ZHX3: variants seen among roughly 807,000 people sequenced by gnomAD.
The protein encoded by ZHX3 is zinc fingers and homeoboxes protein 3.
In ZHX3, 20 loss-of-function variants were observed where a neutral mutation model predicts 64.5. That is an observed-to-expected ratio of 0.31 (90% CI 0.22 to 0.45). ZHX3 has a LOEUF of 0.45. ZHX3 is among the 20% of genes least tolerant of loss of function. The pLI is 1.00. For missense variants in ZHX3, 1,041 were observed against 1,195.8 expected (o/e 0.87, Z 1.91); for synonymous variants, 423 against 461.6 (o/e 0.92, Z 1.07).
At chr20:41,197,078 CTGA>C (rs1831673592) in intron 3 of ZHX3, 2 of 216,910 alleles carry the variant, frequency 9.2e-6, no homozygotes, top group East Asian at 2.1e-4. Flanking sequence ...TTGATCAGGG[CTGA>C]TGGAGAGAAG....
intron 2 of ZHX3, among the ~76,000 whole-genome samples, chr20:41,251,537 TA>T (rs2041993409): frequency 6.6e-6 from 1 of 152,018 alleles, no homozygotes; most frequent in Non-Finnish European, 1.5e-5. Context: ...CAGTAAATAA[TA>T]AATGGCAGAT....
intron 1 of ZHX3, among the ~76,000 whole-genome samples, chr20:41,273,253 GT>G (rs2146642486): frequency 6.6e-6 from 1 of 152,146 alleles, no homozygotes; most frequent in South Asian, 2.1e-4. Context: ...GTTGTTAAGA[GT>G]TTTTCGTTTT....
chr20:41,263,219 T>C (rs963415453), intron 2 of ZHX3, among the ~76,000 whole-genome samples: 2 of 152,146 alleles, frequency 1.3e-5, no homozygotes, highest in Non-Finnish European at 2.9e-5. Context: ...GTTTGCAAGA[T>C]AGGCTATGAA....
At chr20:41,207,750 C>T (rs1474477834) in intron 2 of ZHX3, among the ~76,000 whole-genome samples, 1 of 152,146 alleles carries the variant, frequency 6.6e-6, no homozygotes, top group Non-Finnish European at 1.5e-5. Context: ...CAGGAAATAT[C>T]TAAAATTGAC....
At chr20:41,308,627 G>C (rs777836853) in intron 1 of ZHX3, among the ~76,000 whole-genome samples, 1 of 152,166 alleles carries the variant, frequency 6.6e-6, no homozygotes, top group African/African-American at 2.4e-5. Context: ...CAGGGGGAGT[G>C]TAAGTGGTCA....
chr20:41,276,402 G>C (rs988474338), intron 1 of ZHX3, among the ~76,000 whole-genome samples: 1 of 152,136 alleles, frequency 6.6e-6, no homozygotes, highest in Non-Finnish European at 1.5e-5. Flanking sequence ...GGCTGCTGGG[G>C]AGAGGAAGCG....
intron 2 of ZHX3, among the ~76,000 whole-genome samples, chr20:41,241,976 CCT>C (rs1466909174): frequency 2.6e-5 from 4 of 152,108 alleles, no homozygotes; most frequent in East Asian, 1.9e-4. Flanking sequence ...ATCAGATTAT[CCT>C]CTGAGTGTGC....
In ZHX3 at chr20:41,315,136, A is replaced by C. The variant is rs569600738; in HGVS notation, c.-245+2373T>G. On this transcript the variant is annotated intron_variant, in intron 1 of 3. Transcript: ENST00000683867. ...TCAACTATGTTAATATCCAGGGACC[A>C]GAGTTCTAGGCGGAGGGAACAGCAA... Among the ~76,000 whole-genome samples the C allele has an allele frequency of 3.3e-5, 5 of 152,278 alleles. No individual in the cohort carries two copies. The East Asian group carries it at 9.7e-4, about 29-fold the overall frequency.
Position 41,202,433 on chromosome 20 carries a change from T to C in ZHX3, c.2484A>G (p.Glu828=). The part of the protein sequence containing the change: ...ALKNGQLKWY[E]DYKRGNFPPG... Reference sequence around the variant, plus strand: ...GTGGGAAGTTGCCTCGCTTATAGTCTTCGTACCATTTGAGTTGGCCGTTCT... The same window carrying C: ...GTGGGAAGTTGCCTCGCTTATAGTCCTCGTACCATTTGAGTTGGCCGTTCT... Residue 828 remains glutamate, a synonymous_variant, in exon 3 of 4, where the codon GAA becomes GAG. Coordinates refer to ENST00000683867, the MANE Select transcript of ZHX3 (RefSeq NM_001384317.1). This position sits in a 1 kb window ranked among gnomAD's most constrained non-coding sequence, Gnocchi z 7.0. 1.2e-6 allele frequency: 2 copies of C among 1,614,184 alleles called. No individual in the cohort carries two copies. The highest frequency in any genetic ancestry group is 8.5e-7 in the Non-Finnish European group (1 of 1,180,030).
intron 1 of ZHX3, among the ~76,000 whole-genome samples, chr20:41,310,479 C>G (rs990577515): frequency 6.6e-6 from 1 of 152,112 alleles, no homozygotes; most frequent in Non-Finnish European, 1.5e-5. Flanking sequence ...TTCCAACATG[C>G]GAGCTGTCAA....
At chr20:41,215,325 T>C (rs370635259) in intron 2 of ZHX3, among the ~76,000 whole-genome samples, 1 of 152,146 alleles carries the variant, frequency 6.6e-6, no homozygotes, top group Non-Finnish European at 1.5e-5. Flanking sequence ...AGTGCATAAC[T>C]TTTTTTAAAA....
At position 41,207,196 on chromosome 20, in the gene ZHX3, C is replaced by G. The variant is rs563044011; in HGVS notation, c.-150-2130G>C. Among the ~76,000 whole-genome samples the G allele has an allele frequency of 7.4e-4, 112 of 152,306 alleles. 1 individual carries two copies. Among genetic ancestry groups the G allele is most frequent in the Non-Finnish European group, 1.1e-3 (76 of 68,030 alleles). On this transcript the variant is annotated intron_variant, in intron 2 of 3. Transcript: ENST00000683867. ...AACTGGTACCAGCCACTGCAAAAAA[C>G]ATGCCAAATTGTAAAGACCATCAAT...
chr20:41,210,815 T>C (rs2039104802), intron 2 of ZHX3, among the ~76,000 whole-genome samples: 1 of 152,180 alleles, frequency 6.6e-6, no homozygotes, highest in Admixed American at 6.5e-5. Flanking sequence ...GTTGTGCACA[T>C]GTACCCTAAA....
intron 2 of ZHX3, among the ~76,000 whole-genome samples, chr20:41,221,936 C>G (rs749628282): frequency 4.6e-5 from 7 of 152,248 alleles, no homozygotes; most frequent in Non-Finnish European, 1.0e-4. Flanking sequence ...TGGTAGGGGG[C>G]AGGGAGGGGA....
chr20:41,237,530 G>T, intron 2 of ZHX3, among the ~76,000 whole-genome samples: 1 of 152,228 alleles, frequency 6.6e-6, no homozygotes, highest in Admixed American at 6.5e-5. Context: ...ACCAAACACC[G>T]CATGTTCTCA....
intron 2 of ZHX3, chr20:41,213,645 C>T (rs1182994017): frequency 6.6e-6 from 1 of 152,590 alleles, no homozygotes; most frequent in East Asian, 1.9e-4. Flanking sequence ...AACACAAGCA[C>T]TCCAGGCACA....
chr20:41,284,529 A>G (rs1397959321), intron 1 of ZHX3, among the ~76,000 whole-genome samples: 3 of 152,116 alleles, frequency 2.0e-5, no homozygotes, highest in Non-Finnish European at 4.4e-5. Flanking sequence ...CCAGTATCCA[A>G]CAATGGCCAG....
chr20:41,299,373 T>C (rs750740703), intron 1 of ZHX3, among the ~76,000 whole-genome samples: 4 of 152,216 alleles, frequency 2.6e-5, no homozygotes, highest in East Asian at 1.9e-4. Flanking sequence ...AAAGGCATCA[T>C]TGCTTTTTTG....
At chr20:41,255,372 C>T (rs1384808740) in intron 2 of ZHX3, among the ~76,000 whole-genome samples, 8 of 152,102 alleles carry the variant, frequency 5.3e-5, no homozygotes, top group African/African-American at 1.9e-4. Context: ...AGAATGGTCT[C>T]GATCTCCTGA....
Sources: gnomAD v4.1 joint callset for allele counts (sites outside exome capture counted in the v4.1 genomes callset) on GRCh38, gnomAD v4.1.1 for gene constraint, Gnocchi (gnomAD v3.1) non-coding constraint, MANE v1.5 for transcripts, NCBI Gene and HGNC (gene_info 2026-07-23, HGNC 2026-07-21) for gene names.